Variants in MID1 observed in about 807,000 individuals in gnomAD.
The protein encoded by MID1 is midline 1.
In MID1, 7 loss-of-function variants were observed where a neutral mutation model predicts 40.4. The ratio of observed to expected loss-of-function variants is 0.17; its 90% CI spans 0.10 to 0.33. The LOEUF (loss-of-function observed/expected upper bound fraction) is 0.33, where lower values mean the gene tolerates loss of function less well. Ranked by LOEUF, MID1 falls within the 10% of genes least tolerant of loss-of-function variation. MID1 has a pLI of 1.00. For synonymous variants in MID1, 229 were observed against 221.2 expected, an observed-to-expected ratio of 1.04 and a Z score of -0.31; for missense variants, 367 against 558.5, an observed-to-expected ratio of 0.66 and a Z score of 3.46.
At chrX:10,825,700 G>C (rs140953260) in intron 1 of MID1, among the ~76,000 whole-genome samples, 1 of 111,270 alleles carries the variant, frequency 9.0e-6, no homozygotes, top group Admixed American at 9.6e-5. Context: ...GAAAGAATTC[G>C]CCAGACAACT....
At chrX:10,767,139 T>A (rs1008340743) in intron 1 of MID1, among the ~76,000 whole-genome samples, 1 of 111,061 alleles carries the variant, frequency 9.0e-6, no homozygotes, top group Non-Finnish European at 1.9e-5. Context: ...ATGAATTTCA[T>A]AGGGCTAACT....
chrX:10,598,354 A>G (rs1935452374), intron 1 of MID1, among the ~76,000 whole-genome samples: 1 of 112,344 alleles, frequency 8.9e-6, no homozygotes, highest in Non-Finnish European at 1.9e-5. Context: ...GGAGCAAGGC[A>G]GGAGCTGAGA....
chrX:10,483,392 GC>G (rs1930447921), intron 4 of MID1, among the ~76,000 whole-genome samples: 1 of 111,862 alleles, frequency 8.9e-6, no homozygotes, highest in South Asian at 3.7e-4. Flanking sequence ...ATTCTGTCTC[GC>G]TTGAAAATGT....
chrX:10,805,368 A>G (rs1234904375), intron 1 of MID1, among the ~76,000 whole-genome samples: 24 of 105,790 alleles, frequency 2.3e-4, no homozygotes, highest in African/African-American at 8.0e-4. Flanking sequence ...ATGATTTCCA[A>G]TTTCATCCAT....
intron 2 of MID1, among the ~76,000 whole-genome samples, chrX:10,538,411 T>C (rs973747337): frequency 9.0e-6 from 1 of 111,396 alleles, no homozygotes; most frequent in African/African-American, 3.3e-5. Context: ...ATTCTAACAA[T>C]CTTCCATGAA....
At chrX:10,801,507 T>G (rs1478079218) in intron 1 of MID1, among the ~76,000 whole-genome samples, 1 of 111,974 alleles carries the variant, frequency 8.9e-6, no homozygotes, top group African/African-American at 3.2e-5. Flanking sequence ...ATTCACTTAC[T>G]CACCAGGTAG....
chrX:10,481,692 C>T (rs1258489765), intron 5 of MID1, among the ~76,000 whole-genome samples: 5 of 111,717 alleles, frequency 4.5e-5, no homozygotes, highest in Non-Finnish European at 7.5e-5. Flanking sequence ...GTGATCCACC[C>T]GCCTTGGCCT....
intron 1 of MID1, among the ~76,000 whole-genome samples, chrX:10,785,741 T>C (rs1259382584): frequency 2.6e-4 from 29 of 111,581 alleles, no homozygotes; most frequent in Non-Finnish European, 4.3e-4. Flanking sequence ...TAATAAATGG[T>C]GCTGGGAAAA....
rs988081803 is a variant in MID1 at position 10,520,508 on chromosome X, C to T, written c.756+2584G>A. Among the ~76,000 whole-genome samples, 52 of 112,217 alleles carry T rather than the reference C, an allele frequency of 4.6e-4. 1 individual carries two copies. Among genetic ancestry groups the T allele is most frequent in the African/African-American group, 1.6e-3 (50 of 30,919 alleles). On this transcript the variant is annotated intron_variant, in intron 3 of 9. Coordinates refer to ENST00000317552, the MANE Select transcript of MID1 (RefSeq NM_000381.4). Reference sequence around the variant, plus strand: ...ATTTGCTACATTGTGCATCTACTGACAGTTATAGGCACATAGGAGGCTATA... The same window carrying T: ...ATTTGCTACATTGTGCATCTACTGATAGTTATAGGCACATAGGAGGCTATA...
chrX:10,747,350 T>C (rs951671839), intron 1 of MID1, among the ~76,000 whole-genome samples: 1 of 112,081 alleles, frequency 8.9e-6, no homozygotes, highest in Non-Finnish European at 1.9e-5. Context: ...TCACAGCTCA[T>C]TTTCAATTCA....
intron 1 of MID1, among the ~76,000 whole-genome samples, chrX:10,572,104 ACTCTCTCTCTCT>A (rs59928523): frequency 1.4e-5 from 1 of 70,410 alleles, no homozygotes. Context: ...CTTTCTTTTC[ACTCTCTCTCTCT>A]CTCTCTCTCT....
intron 1 of MID1, among the ~76,000 whole-genome samples, chrX:10,698,392 CAT>C (rs1602523391): frequency 8.9e-6 from 1 of 112,360 alleles, no homozygotes; most frequent in African/African-American, 3.2e-5. Context: ...GTCTTATATA[CAT>C]AGTTATGTCT....
At chrX:10,492,325 T>G (rs1481267893) in intron 4 of MID1, among the ~76,000 whole-genome samples, 1 of 111,783 alleles carries the variant, frequency 8.9e-6, no homozygotes, top group Non-Finnish European at 1.9e-5. Flanking sequence ...AGTTTCAGTT[T>G]TAAAGGGAAG....
chrX:10,533,390 G>A (rs111120233), intron 2 of MID1, among the ~76,000 whole-genome samples: 405 of 35,762 alleles, frequency 0.011, 1 homozygote, highest in East Asian at 0.028. Context: ...AAGAAAGAAA[G>A]AAAAGAAAGA....
chrX:10,630,893 C>T (rs1936046135), intron 1 of MID1, among the ~76,000 whole-genome samples: 2 of 110,430 alleles, frequency 1.8e-5, no homozygotes, highest in African/African-American at 6.6e-5. Context: ...CAGGTTGTTT[C>T]CTGGGACAGC....
intron 1 of MID1, among the ~76,000 whole-genome samples, chrX:10,710,822 A>G (rs1192564186): frequency 8.9e-6 from 1 of 111,754 alleles, no homozygotes; most frequent in Non-Finnish European, 1.9e-5. Flanking sequence ...ATATCATAGA[A>G]AATTCCAACA....
rs60188235 is a variant in MID1 at position 10,636,785 on chromosome X, GATATATATATATATATAT to G, written c.-186-16384_-186-16367del. ...CAAACTGGGCCATTCCAACAATGGG[GATATATATATATATATAT>G]ATATATATATATATACACCACTGGT... is the stretch of plus-strand genomic sequence containing the variant. On this transcript the variant is annotated intron_variant, in intron 1 of 10. Transcript: ENST00000380785. Among the ~76,000 whole-genome samples, 12 of 42,706 alleles carry G rather than the reference GATATATATATATATATAT, an allele frequency of 2.8e-4. 2 individuals are homozygous for G. Among genetic ancestry groups the G allele is most frequent in the East Asian group, 5.0e-4 (1 of 2,011 alleles). The allele number at this position is 42,706 out of a possible 115,157, so 37.1% of individuals were successfully genotyped here.
At chrX:10,466,593 G>T (rs1410101435) in intron 7 of MID1, among the ~76,000 whole-genome samples, 1 of 111,423 alleles carries the variant, frequency 9.0e-6, no homozygotes, top group Non-Finnish European at 1.9e-5. Flanking sequence ...GATGCCAATA[G>T]CACCCTCCTC....
At chrX:10,546,967 T>C in intron 2 of MID1, among the ~76,000 whole-genome samples, 1 of 112,480 alleles carries the variant, frequency 8.9e-6, no homozygotes, top group Non-Finnish European at 1.9e-5. Context: ...ATAATAGTAA[T>C]GGTACTACAG....
Sources: allele counts gnomAD v4.1 joint callset (sites outside exome capture counted in the v4.1 genomes callset), GRCh38; gene constraint gnomAD v4.1.1; transcripts MANE v1.5; gene names NCBI Gene and HGNC (gene_info 2026-07-23, HGNC 2026-07-21).